Variants in PPP3R1 observed in about 807,000 individuals in gnomAD.
PPP3R1 encodes the protein protein phosphatase 3 regulatory subunit B, alpha, also known as calcineurin subunit B type 1.
Under a neutral mutation model 22.6 loss-of-function variants are expected in PPP3R1, and 5 were observed. That is an observed-to-expected ratio of 0.22 (90% confidence interval 0.12 to 0.46). The LOEUF (loss-of-function observed/expected upper bound fraction) is 0.46. Ranked by LOEUF, PPP3R1 falls within the 20% of genes least tolerant of loss-of-function variation. The pLI is 0.99. For missense variants in PPP3R1, 61 were observed against 203.2 expected (o/e 0.30, Z 4.25); for synonymous variants, 56 against 65.2 (o/e 0.86, Z 0.68).
intron 2 of PPP3R1, among the ~76,000 whole-genome samples, chr2:68,197,192 CT>C (rs1289588800): frequency 6.6e-6 from 1 of 152,180 alleles, no homozygotes; most frequent in African/African-American, 2.4e-5. Flanking sequence ...CCCTTGAGCC[CT>C]TTTGCAGTCA....
chr2:68,195,172 G>C (rs752927085), intron 2 of PPP3R1, among the ~76,000 whole-genome samples: 1 of 152,050 alleles, frequency 6.6e-6, no homozygotes, highest in Non-Finnish European at 1.5e-5. Context: ...TATTATCTTT[G>C]TAACTTTTTT....
At chr2:68,224,658 G>A (rs528075025) in intron 1 of PPP3R1, among the ~76,000 whole-genome samples, 7 of 147,706 alleles carry the variant, frequency 4.7e-5, no homozygotes, top group African/African-American at 1.5e-4. Context: ...AGCAAGACTC[G>A]TCTCAGGAAA....
At chr2:68,238,259 G>A (rs73935325) in intron 1 of PPP3R1, among the ~76,000 whole-genome samples, 4 of 152,168 alleles carry the variant, frequency 2.6e-5, no homozygotes, top group South Asian at 4.1e-4. Flanking sequence ...CAACAGTTTA[G>A]GAGGGCAGGC....
intron 5 of PPP3R1, among the ~76,000 whole-genome samples, chr2:68,181,695 T>G (rs1252560488): frequency 6.6e-6 from 1 of 152,068 alleles, no homozygotes; most frequent in African/African-American, 2.4e-5. Flanking sequence ...GCTCTGTAGT[T>G]TGCTGGCCCC....
At chr2:68,246,916 G>A (rs1670246981) in intron 1 of PPP3R1, among the ~76,000 whole-genome samples, 1 of 152,106 alleles carries the variant, frequency 6.6e-6, no homozygotes, top group African/African-American at 2.4e-5. Flanking sequence ...CCAATTACCT[G>A]TTGGCCATAA....
At chr2:68,247,466 C>A (rs1424331525) in intron 1 of PPP3R1, among the ~76,000 whole-genome samples, 2 of 152,194 alleles carry the variant, frequency 1.3e-5, no homozygotes, top group Admixed American at 1.3e-4. Context: ...CTTTCTGTTT[C>A]TCCTAGGCCA....
chr2:68,186,257 G>C (rs1162071180), intron 5 of PPP3R1, among the ~76,000 whole-genome samples: 1 of 151,988 alleles, frequency 6.6e-6, no homozygotes, highest in African/African-American at 2.4e-5. Context: ...GTTGTAATTT[G>C]AGAGGCTACC....
At position 68,180,936 on chromosome 2, in the gene PPP3R1, G is replaced by T. The variant is rs1196231833; in HGVS notation, c.*27C>A. 1 of 1,601,612 alleles carries T rather than the reference G, an allele frequency of 6.2e-7. No individual in the cohort carries two copies. Among genetic ancestry groups the T allele is most frequent in the Non-Finnish European group, 8.6e-7 (1 of 1,169,038 alleles). On this transcript the variant is annotated 3_prime_UTR_variant, in exon 6 of 6. Coordinates refer to ENST00000234310, the MANE Select transcript of PPP3R1 (RefSeq NM_000945.4). Reference sequence around the variant, plus strand: ...TTCAGAGATGGAGAAGAAAGCAAAAGTGTTGGGTGGTACTCTCTGATAAGA... The same window carrying T: ...TTCAGAGATGGAGAAGAAAGCAAAATTGTTGGGTGGTACTCTCTGATAAGA...
intron 2 of PPP3R1, among the ~76,000 whole-genome samples, chr2:68,200,282 GTT>G (rs756269556): frequency 4.8e-4 from 73 of 152,108 alleles, no homozygotes; most frequent in Admixed American, 1.4e-3. Context: ...CTGTGATTGT[GTT>G]TTGTTTTCTA....
intron 2 of PPP3R1, among the ~76,000 whole-genome samples, chr2:68,198,327 A>G (rs1463735122): frequency 1.3e-4 from 10 of 78,042 alleles, no homozygotes; most frequent in South Asian, 9.1e-4. Context: ...GTATATACAT[A>G]TGTACATATA....
intron 2 of PPP3R1, among the ~76,000 whole-genome samples, chr2:68,196,065 C>T (rs1340676260): frequency 6.6e-6 from 1 of 151,916 alleles, no homozygotes; most frequent in African/African-American, 2.4e-5. Context: ...TACAGGATCC[C>T]GGAATCTCTA....
At chr2:68,231,542 C>A (rs964154825) in intron 1 of PPP3R1, among the ~76,000 whole-genome samples, 21 of 152,120 alleles carry the variant, frequency 1.4e-4, no homozygotes, top group African/African-American at 4.6e-4. Flanking sequence ...ACAAATCACA[C>A]AAGTGCTTGT....
intron 1 of PPP3R1, among the ~76,000 whole-genome samples, chr2:68,233,303 C>A (rs1256062355): frequency 6.6e-6 from 1 of 152,128 alleles, no homozygotes; most frequent in African/African-American, 2.4e-5. Flanking sequence ...TAATAAATAT[C>A]TTTGAATTAT....
rs181987045 is a variant in PPP3R1, at chr2:68,218,149, A to G, written c.4-1018T>C. On this transcript the variant is annotated intron_variant, in intron 1 of 5. Transcript: ENST00000234310. Reference sequence around the variant, plus strand: ...TATTTATCTAACCTTGACCCTGCCTAGCAATTAAATAGCAGTAAGTATACA... The same window carrying G: ...TATTTATCTAACCTTGACCCTGCCTGGCAATTAAATAGCAGTAAGTATACA... 4.2e-3 allele frequency among the ~76,000 whole-genome samples: 638 copies of G among 152,132 alleles called. 3 individuals are homozygous for G. The highest frequency in any genetic ancestry group is 6.8e-3 in the Middle Eastern group (2 of 294).
At chr2:68,204,826 T>C (rs1675077909) in intron 2 of PPP3R1, among the ~76,000 whole-genome samples, 1 of 152,218 alleles carries the variant, frequency 6.6e-6, no homozygotes, top group Non-Finnish European at 1.5e-5. Context: ...CTCTGAGCTC[T>C]TGCTAGCTAA....
chr2:68,243,183 G>A (rs1042908015), intron 1 of PPP3R1, among the ~76,000 whole-genome samples: 1 of 152,098 alleles, frequency 6.6e-6, no homozygotes, highest in East Asian at 1.9e-4. Context: ...TAAATTATTA[G>A]TGCTAAATTT....
chr2:68,203,073 G>A (rs137994094), intron 2 of PPP3R1, among the ~76,000 whole-genome samples: 35 of 152,096 alleles, frequency 2.3e-4, no homozygotes, highest in Non-Finnish European at 4.3e-4. Flanking sequence ...TGTTCTTCTC[G>A]TCATTACTTA....
At chr2:68,249,077 T>C (rs1670288346) in intron 1 of PPP3R1, among the ~76,000 whole-genome samples, 1 of 152,206 alleles carries the variant, frequency 6.6e-6, no homozygotes, top group Non-Finnish European at 1.5e-5. Flanking sequence ...TGACTTAATA[T>C]CCTCCTGGCC....
intron 1 of PPP3R1, among the ~76,000 whole-genome samples, chr2:68,228,641 T>C (rs888385344): frequency 6.6e-6 from 1 of 152,078 alleles, no homozygotes; most frequent in African/African-American, 2.4e-5. Context: ...GTTTCTGTTT[T>C]TTATTTCATT....
Sources: gnomAD v4.1 joint callset for allele counts (sites outside exome capture counted in the v4.1 genomes callset) on GRCh38, gnomAD v4.1.1 for gene constraint, MANE v1.5 for transcripts, NCBI Gene and HGNC (gene_info 2026-07-23, HGNC 2026-07-21) for gene names.